RAB3B: variants seen among roughly 807,000 people sequenced by gnomAD.
RAB3B encodes the protein RAB3B, member RAS oncogene family.
In RAB3B, 11 loss-of-function variants were observed where a neutral mutation model predicts 20.5. That is an observed-to-expected ratio of 0.54 (90% CI 0.34 to 0.89). The LOEUF is 0.89. RAB3B is among the 40% of genes least tolerant of loss of function. The probability of loss-of-function intolerance (pLI) is 0.02; values close to 1 mark genes in which losing one functional copy is unlikely to be tolerated. For missense variants in RAB3B, 225 were observed against 280.9 expected (o/e 0.80, Z 1.42); for synonymous variants, 99 against 106.3 (o/e 0.93, Z 0.42).
chr1:51,938,096 G>A (rs1684434302), intron 2 of RAB3B, among the ~76,000 whole-genome samples: 1 of 150,280 alleles, frequency 6.7e-6, no homozygotes, highest in African/African-American at 2.5e-5. Flanking sequence ...TGAATTTCTG[G>A]GCTGAAGCAA....
At chr1:51,984,811 A>T (rs1685132010) in intron 1 of RAB3B, among the ~76,000 whole-genome samples, 1 of 152,214 alleles carries the variant, frequency 6.6e-6, no homozygotes, top group Non-Finnish European at 1.5e-5. Flanking sequence ...TCTTTACCAC[A>T]ATTTCATATC....
intron 3 of RAB3B, among the ~76,000 whole-genome samples, chr1:51,936,221 A>G (rs2124254113): frequency 6.6e-6 from 1 of 152,260 alleles, no homozygotes; most frequent in South Asian, 2.1e-4. Context: ...CTGAGCAGGG[A>G]CACTGGGTCC....
Position 51,964,161 on chromosome 1 carries a change from C to T in RAB3B, c.228+12729G>A, listed in dbSNP as rs574310550. Among the ~76,000 whole-genome samples the T allele has an allele frequency of 1.4e-4, 22 of 152,298 alleles. No homozygotes were observed. In the South Asian group the frequency reaches 4.4e-3, roughly 30 times the overall value. Reference sequence around the variant, plus strand: ...TTACCAGGCTTTCACCCCTCCTACTCCACCAAAACAACTTGTATCAAGGTT... The same window carrying T: ...TTACCAGGCTTTCACCCCTCCTACTTCACCAAAACAACTTGTATCAAGGTT... On this transcript the variant is annotated intron_variant, in intron 2 of 4. Transcript: ENST00000371655.
At chr1:51,966,746 T>A (rs1298422086) in intron 2 of RAB3B, among the ~76,000 whole-genome samples, 1 of 152,212 alleles carries the variant, frequency 6.6e-6, no homozygotes, top group African/African-American at 2.4e-5. Context: ...ATTCTGATTA[T>A]CATAAGAGCT....
At chr1:51,933,715 G>C (rs1201938618) in intron 3 of RAB3B, among the ~76,000 whole-genome samples, 1 of 152,132 alleles carries the variant, frequency 6.6e-6, no homozygotes, top group Non-Finnish European at 1.5e-5. Flanking sequence ...CTGGCACCTT[G>C]ATCTTGGACT....
At chr1:51,946,108 A>G (rs1684560763) in intron 2 of RAB3B, among the ~76,000 whole-genome samples, 1 of 152,140 alleles carries the variant, frequency 6.6e-6, no homozygotes. Flanking sequence ...AGGTGGTGAT[A>G]ATAATATTAT....
At chr1:51,952,639 T>C (rs1344408593) in intron 2 of RAB3B, among the ~76,000 whole-genome samples, 3 of 151,370 alleles carry the variant, frequency 2.0e-5, no homozygotes, top group East Asian at 3.9e-4. Flanking sequence ...AGGTACTCCA[T>C]AAATACTGAA....
intron 3 of RAB3B, among the ~76,000 whole-genome samples, chr1:51,934,775 CAAAA>C (rs34750673): frequency 1.4e-5 from 1 of 69,898 alleles, no homozygotes; most frequent in Non-Finnish European, 2.5e-5. Context: ...GACTCCATCT[CAAAA>C]AAAAAAAAAA....
At chr1:51,954,328 T>C (rs990656065) in intron 2 of RAB3B, among the ~76,000 whole-genome samples, 1 of 152,246 alleles carries the variant, frequency 6.6e-6, no homozygotes, top group African/African-American at 2.4e-5. Flanking sequence ...ATTGAATATA[T>C]AATCTGACCT....
chr1:51,975,222 T>A (rs768988975), intron 2 of RAB3B, among the ~76,000 whole-genome samples: 4 of 151,912 alleles, frequency 2.6e-5, no homozygotes, highest in African/African-American at 7.3e-5. Context: ...TCGAAAAAAA[T>A]AAAATAAAAT....
chr1:51,920,007 C>A lies in RAB3B; in HGVS notation c.580G>T (p.Asp194Tyr), dbSNP rs778810781. 3 of 1,614,176 alleles carry A rather than the reference C, an allele frequency of 1.9e-6. No individual in the cohort carries two copies. The East Asian group carries it at 6.7e-5, about 36-fold the overall frequency. ...TTGGAGGAGCCCAGCATCGACGGGT[C>A]TGTGTCCAGCGAATCAGACATCTTG... ...CDKMSDSLDT[D>Y]PSMLGSSKNT... The change falls in exon 5 of 5, where the codon GAC becomes TAC. Residue 194 changes from aspartate to tyrosine, a missense_variant. Asp to Tyr is a radical substitution (Grantham distance 160). Coordinates refer to ENST00000371655, the MANE Select transcript of RAB3B (RefSeq NM_002867.4).
chr1:51,931,689 A>G (rs1684326231), intron 4 of RAB3B, among the ~76,000 whole-genome samples: 1 of 148,536 alleles, frequency 6.7e-6, no homozygotes, highest in Non-Finnish European at 1.5e-5. Flanking sequence ...TGTGATGGGT[A>G]CTGTGACTCT....
rs533531430 is a variant in RAB3B at position 51,986,693 on chromosome 1, G to A, written c.-1+3859C>T. ...CGTACTGTACTTGCCATACCACACTGTTAACATCTGCTTATGCACACACAG... is the reference window on the plus strand; with the variant it reads ...CGTACTGTACTTGCCATACCACACTATTAACATCTGCTTATGCACACACAG... On this transcript the variant is annotated intron_variant, in intron 1 of 4. Coordinates refer to ENST00000371655, the MANE Select transcript of RAB3B (RefSeq NM_002867.4). 1.2e-3 allele frequency among the ~76,000 whole-genome samples: 180 copies of A among 152,334 alleles called. 1 individual carries two copies. Among genetic ancestry groups the A allele is most frequent in the Non-Finnish European group, 2.2e-3 (151 of 68,038 alleles).
chr1:51,984,208 G>A (rs1685123409), intron 1 of RAB3B, among the ~76,000 whole-genome samples: 1 of 125,310 alleles, frequency 8.0e-6, no homozygotes, highest in Admixed American at 9.7e-5. Flanking sequence ...AGGTTACAGT[G>A]AGCGGAGATT....
chr1:51,967,515 C>CTTTTTTTTTTTT (rs67927521), intron 2 of RAB3B, among the ~76,000 whole-genome samples: 5 of 16,404 alleles, frequency 3.0e-4, no homozygotes, highest in South Asian at 5.8e-3. Context: ...CTTTTCTTTT[C>CTTTTTTTTTTTT]TTTTTCTTTT....
intron 2 of RAB3B, among the ~76,000 whole-genome samples, chr1:51,942,755 G>A (rs746921234): frequency 1.3e-5 from 2 of 152,120 alleles, no homozygotes; most frequent in Non-Finnish European, 2.9e-5. Context: ...CAGATTGAAT[G>A]TTTGTGGTGA....
intron 4 of RAB3B, among the ~76,000 whole-genome samples, chr1:51,921,853 A>T (rs1684176193): frequency 6.6e-6 from 1 of 152,176 alleles, no homozygotes. Context: ...CTAACAAAGG[A>T]GGGATCTCTT....
chr1:51,979,625 C>T (rs554876410), intron 1 of RAB3B, among the ~76,000 whole-genome samples: 109 of 152,278 alleles, frequency 7.2e-4, no homozygotes, highest in African/African-American at 2.3e-3. Context: ...AACCTCACAC[C>T]ATCCTCCGCT....
At chr1:51,980,594 T>TAGTGGAAA (rs1685073657) in intron 1 of RAB3B, 2 of 777,828 alleles carry the variant, frequency 2.6e-6, no homozygotes. Flanking sequence ...AAATTCGTCA[T>TAGTGGAAA]TTGAAACATA....
Sources: allele counts gnomAD v4.1 joint callset (sites outside exome capture counted in the v4.1 genomes callset), GRCh38; gene constraint gnomAD v4.1.1; transcripts MANE v1.5; gene names NCBI Gene and HGNC (gene_info 2026-07-23, HGNC 2026-07-21).